NUP98: variants seen among roughly 807,000 people sequenced by gnomAD.
NUP98 encodes the protein nuclear pore complex protein Nup98-Nup96.
NUP98 carries 26 observed loss-of-function variants against 191.9 expected under a neutral mutation model. That is an observed-to-expected ratio of 0.14 (90% CI 0.10 to 0.19). The LOEUF (loss-of-function observed/expected upper bound fraction) is 0.19. Among genes scored for constraint, NUP98 ranks in the 10% least tolerant of loss-of-function variants. The pLI, the probability that NUP98 is intolerant of heterozygous loss-of-function variation, is 1.00. For missense variants in NUP98, 1,941 were observed against 2,178.8 expected, an observed-to-expected ratio of 0.89 and a Z score of 2.17; for synonymous variants, 808 against 778.4, an observed-to-expected ratio of 1.04 and a Z score of -0.63.
intron 1 of NUP98, among the ~76,000 whole-genome samples, chr11:3,783,603 G>T (rs1477568896): frequency 6.6e-6 from 1 of 152,196 alleles, no homozygotes; most frequent in Non-Finnish European, 1.5e-5. Flanking sequence ...GGAGGCTGAG[G>T]CAGGAGAACT....
At chr11:3,767,100 G>A (rs192976879) in intron 8 of NUP98, among the ~76,000 whole-genome samples, 1 of 152,034 alleles carries the variant, frequency 6.6e-6, no homozygotes, top group African/African-American at 2.4e-5. Context: ...GCGTAGCTTG[G>A]ATTAGTCACC....
intron 12 of NUP98, among the ~76,000 whole-genome samples, chr11:3,736,647 T>C (rs2080073503): frequency 6.6e-6 from 1 of 152,164 alleles, no homozygotes; most frequent in East Asian, 1.9e-4. Context: ...AACAAAAAAG[T>C]TGTAAACATC....
At position 3,712,785 on chromosome 11, in the gene NUP98, G is replaced by A; in HGVS notation, c.2578-57C>T. On this transcript the variant is annotated intron_variant, in intron 19 of 32. Transcript: ENST00000324932. ...TAAACATTATGCTTTCCCAATACCT[G>A]CCTTTGCAATCTTGCAGCATTACCT... is the stretch of plus-strand genomic sequence containing the variant. 3 of 1,546,476 alleles carry A rather than the reference G, an allele frequency of 1.9e-6. 1 individual carries two copies. Among genetic ancestry groups the A allele is most frequent in the South Asian group, 2.4e-5 (2 of 83,818 alleles).
chr11:3,774,080 T>C (rs1288900507), intron 5 of NUP98, among the ~76,000 whole-genome samples: 1 of 152,148 alleles, frequency 6.6e-6, no homozygotes, highest in Non-Finnish European at 1.5e-5. Flanking sequence ...TTCTCCTTTC[T>C]ACTCCGCCCT....
intron 1 of NUP98, among the ~76,000 whole-genome samples, chr11:3,786,166 C>T (rs2082134457): frequency 6.6e-6 from 1 of 152,200 alleles, no homozygotes; most frequent in African/African-American, 2.4e-5. Context: ...GCGGCCAATG[C>T]TTCTAGAGTC....
chr11:3,693,316 G>A lies in NUP98; in HGVS notation c.4227C>T (p.Arg1409=). The A allele has an allele frequency of 6.2e-7, 1 of 1,614,182 alleles. No individual in the cohort carries two copies. Among genetic ancestry groups the A allele is most frequent in the South Asian group, 1.1e-5 (1 of 91,088 alleles). The change falls in exon 27 of 33, where the codon CGC becomes CGT. Residue 1409 remains arginine, a synonymous_variant. Transcript: ENST00000324932. ...INVCSQLDWK[R]SLAIHLWYLL... is the part of the protein sequence containing the mutation. ...AATACCAAAGATGGATAGCCAGGGA[G>A]CGTTTCCAATCCAACTGGGAGCACA...
chr11:3,755,365 G>A (rs2080923552), intron 10 of NUP98, among the ~76,000 whole-genome samples: 1 of 151,780 alleles, frequency 6.6e-6, no homozygotes, highest in South Asian at 2.1e-4. Context: ...TTGGGAGGCT[G>A]ACGCAGGAAG....
chr11:3,715,158 T>C (rs1036512695), intron 18 of NUP98, among the ~76,000 whole-genome samples: 2 of 152,166 alleles, frequency 1.3e-5, no homozygotes, highest in Non-Finnish European at 2.9e-5. Flanking sequence ...GGCAATTTGT[T>C]TCTTATTAGA....
Position 3,695,466 on chromosome 11 carries a change from G to A in NUP98, c.4150C>T (p.Leu1384=). 3.8e-6 allele frequency: 6 copies of A among 1,573,310 alleles called. No homozygotes were observed. The highest frequency in any genetic ancestry group is 4.3e-6 in the Non-Finnish European group (5 of 1,160,684). The change falls in exon 26 of 33, where the codon CTG becomes TTG. Residue 1384 remains leucine, a synonymous_variant. Transcript: ENST00000324932. ...IQDERLRIFA[L]LAGKPVWQLS... ...GAAGATACCGGTTTTCCAGCCAACA[G>A]AGCAAAGATGCGCAGTCTCTCATCC...
In NUP98 at chr11:3,688,256, A is replaced by G. The variant is rs551801970; in HGVS notation, c.4455-2062T>C. 6.2e-4 allele frequency among the ~76,000 whole-genome samples: 94 copies of G among 152,148 alleles called. 1 individual carries two copies. Among genetic ancestry groups the G allele is most frequent in the African/African-American group, 2.2e-3 (91 of 41,528 alleles). On this transcript the variant is annotated intron_variant, in intron 28 of 32. Coordinates refer to ENST00000324932, the MANE Select transcript of NUP98 (RefSeq NM_016320.5). ...TGGTGAAACCCCGTCTCTACTAAAA[A>G]TTAGCCGGGCGTGGTGGTGGGTGCC...
chr11:3,691,327 A>G lies in NUP98; in HGVS notation c.4454+20T>C, dbSNP rs2078303902. ...GCTCATGGAGCACTCAAGTGACAATAAAGCCTGGCTCTCATTTACCTGTCA... is the reference window on the plus strand; with the variant it reads ...GCTCATGGAGCACTCAAGTGACAATGAAGCCTGGCTCTCATTTACCTGTCA... On this transcript the variant is annotated intron_variant, in intron 28 of 32. Transcript: ENST00000324932. 3.1e-6 allele frequency: 5 copies of G among 1,613,938 alleles called. No individual in the cohort carries two copies. The highest frequency in any genetic ancestry group is 4.2e-6 in the Non-Finnish European group (5 of 1,179,978).
chr11:3,706,293 G>T, intron 21 of NUP98, 152 bp downstream of exon 21: 1 of 668,520 alleles, frequency 1.5e-6, no homozygotes, highest in Non-Finnish European at 2.6e-6. Flanking sequence ...AGAGAATGAG[G>T]CCCAGACATT....
intron 17 of NUP98, 126 bp from the exon 18 acceptor site, chr11:3,719,676 G>A: frequency 1.6e-6 from 1 of 618,262 alleles, no homozygotes; most frequent in Non-Finnish European, 2.6e-6. Flanking sequence ...AAATAATTCA[G>A]CAATTCCTAG....
Position 3,679,638 on chromosome 11 carries a change from G to A in NUP98, c.4989C>T (p.Ser1663=), listed in dbSNP as rs1435147807. 4 of 1,614,174 alleles carry A rather than the reference G, an allele frequency of 2.5e-6. No individual in the cohort carries two copies. The South Asian group carries it at 4.4e-5, about 18-fold the overall frequency. ...ATGTTTCCCAATCCTGAATTAGGCT[G>A]CTGCGCTCTGGAGGTGCCAGGTCTT... The part of the protein sequence containing the change: ...FLEDLAPPER[S]SLIQDWETSG... The change falls in exon 31 of 33, where the codon AGC becomes AGT. Residue 1663 remains serine, a synonymous_variant. Transcript: ENST00000324932.
At position 3,691,466 on chromosome 11, in the gene NUP98, A is replaced by G. The variant is rs141039100; in HGVS notation, c.4335T>C (p.Tyr1445=). Residue 1445 remains tyrosine, a synonymous_variant, in exon 28 of 33, where the codon TAT becomes TAC. Transcript: ENST00000324932. The part of the protein sequence containing the change: ...AFQNTSDSDR[Y]ACSPLPSYLE... Reference sequence around the variant, plus strand: ...GATACGAAGGAAGTGGGGAGCAGGCATATCTGTCACTGTCAGAGGTATTCT... The same window carrying G: ...GATACGAAGGAAGTGGGGAGCAGGCGTATCTGTCACTGTCAGAGGTATTCT... The G allele has an allele frequency of 9.9e-4, 1,602 of 1,614,208 alleles. No homozygotes were observed. Among genetic ancestry groups the G allele is most frequent in the Non-Finnish European group, 1.2e-3 (1,465 of 1,180,032 alleles).
At position 3,720,832 on chromosome 11, in the gene NUP98, CAA is replaced by C. The variant is rs55821497; in HGVS notation, c.2147-9_2147-8del. The C allele has an allele frequency of 0.032, 11,854 of 367,732 alleles. No homozygotes were observed. Among genetic ancestry groups the C allele is most frequent in the Middle Eastern group, 0.041 (57 of 1,378 alleles). The allele number at this position is 367,732 out of a possible 1,614,324, so 22.8% of individuals were successfully genotyped here. A position where few individuals can be genotyped will look rare whatever the true frequency, so the allele number is the denominator to read the frequency against. On this transcript the variant is annotated splice_polypyrimidine_tract_variant and splice_region_variant and intron_variant, in intron 16 of 32. Coordinates refer to ENST00000324932, the MANE Select transcript of NUP98 (RefSeq NM_016320.5). Reference sequence around the variant, plus strand: ...ACCTTAGTGAGAATAATACCTGTGACAAAAAAAAAAAAAAAAACAGAAAAAAA... The same window carrying C: ...ACCTTAGTGAGAATAATACCTGTGACAAAAAAAAAAAAAAACAGAAAAAAA...
chr11:3,678,043 G>A (rs1233233650), intron 31 of NUP98, among the ~76,000 whole-genome samples: 2 of 151,900 alleles, frequency 1.3e-5, no homozygotes, highest in African/African-American at 2.4e-5. Context: ...TACTGGGGAG[G>A]CTGAGGCAGG....
chr11:3,750,879 TC>T (rs1296799238), intron 11 of NUP98, among the ~76,000 whole-genome samples: 1 of 151,984 alleles, frequency 6.6e-6, no homozygotes, highest in Non-Finnish European at 1.5e-5. Flanking sequence ...CAAGCAATCC[TC>T]CTGCCTAGGC....
chr11:3,762,925 T>C lies in NUP98; in HGVS notation c.1063A>G (p.Thr355Ala), dbSNP rs112768729. Residue 355 changes from threonine to alanine, a missense_variant, in exon 9 of 33, where the codon ACT becomes GCT. Around this residue, in one of 6 missense-constraint regions of NUP98, gnomAD observed 181 missense variants for 228.0 expected, o/e 0.79. Coordinates refer to ENST00000324932, the MANE Select transcript of NUP98 (RefSeq NM_016320.5). ...TGTGLFGQTN[T>A]GFGAVGSTLF... ...ACCGAACCAACAGCACCAAATCCAG[T>C]ATTGGTCTGCCCAAAGAGACCTGTT... The C allele has an allele frequency of 8.7e-6, 14 of 1,614,144 alleles. No individual in the cohort carries two copies. The East Asian group carries it at 3.1e-4, about 36-fold the overall frequency.
Sources: gnomAD v4.1 joint callset for allele counts (sites outside exome capture counted in the v4.1 genomes callset) on GRCh38, gnomAD v4.1.1 for gene constraint, gnomAD v4.1.1 regional missense constraint, MANE v1.5 for transcripts, NCBI Gene and HGNC (gene_info 2026-07-23, HGNC 2026-07-21) for gene names.